Variants in SYCP1 observed in about 807,000 individuals in gnomAD.
The protein encoded by SYCP1 is synaptonemal complex protein 1.
Under a neutral mutation model 153.1 loss-of-function variants are expected in SYCP1, and 64 were observed. The observed-to-expected ratio is 0.42, with a 90% confidence interval of 0.34 to 0.51. The LOEUF (loss-of-function observed/expected upper bound fraction) is 0.51, where lower values mean the gene tolerates loss of function less well. Among genes scored for constraint, SYCP1 ranks in the 20% least tolerant of loss-of-function variants. SYCP1 has a pLI of 0.06. For synonymous variants in SYCP1, 384 were observed against 341.8 expected (o/e 1.12, Z -1.36); for missense variants, 997 against 1,049.0 (o/e 0.95, Z 0.68).
At chr1:114,906,191 T>G (rs55938728) in intron 16 of SYCP1, among the ~76,000 whole-genome samples, 9,369 of 152,204 alleles carry the variant, frequency 0.062, 329 homozygotes, top group Middle Eastern at 0.14. Flanking sequence ...GGTCTCGAAC[T>G]CCTGACCTCA....
rs960485225 is a variant in SYCP1 at position 114,877,707 on chromosome 1, T to C, written c.802-387T>C. Among the ~76,000 whole-genome samples the C allele has an allele frequency of 3.3e-5, 5 of 152,164 alleles. No individual in the cohort carries two copies. The East Asian group carries it at 7.7e-4, about 23-fold the overall frequency. ...TCATTATTTGTAACACTTTTTTTGC[T>C]GGGGGTTTCTAAATTCTTGCTTGTG... On this transcript the variant is annotated intron_variant, in intron 11 of 31. Transcript: ENST00000369522.
At chr1:114,980,183 C>T (rs565102531) in intron 28 of SYCP1, among the ~76,000 whole-genome samples, 47 of 151,910 alleles carry the variant, frequency 3.1e-4, no homozygotes, top group Admixed American at 5.9e-4. Context: ...AATTAACATG[C>T]CTCAATTTCC....
At chr1:114,966,646 T>G (rs1194475968) in intron 27 of SYCP1, among the ~76,000 whole-genome samples, 2 of 152,024 alleles carry the variant, frequency 1.3e-5, no homozygotes, top group African/African-American at 4.8e-5. Context: ...TTCATGTAGT[T>G]GTGTGGTTTT....
intron 23 of SYCP1, among the ~76,000 whole-genome samples, chr1:114,928,479 G>A (rs1669403776): frequency 6.6e-6 from 1 of 152,136 alleles, no homozygotes; most frequent in Admixed American, 6.5e-5. Flanking sequence ...TTCAAAAGCT[G>A]TACCCTAAGC....
At chr1:114,872,856 T>C (rs1296810471) in intron 8 of SYCP1, among the ~76,000 whole-genome samples, 3 of 152,166 alleles carry the variant, frequency 2.0e-5, no homozygotes, top group Admixed American at 1.3e-4. Context: ...CGTCTTTCTA[T>C]GTTGTCTAGG....
chr1:114,878,066 T>C (rs757882286), intron 11 of SYCP1, 28 bp from the exon 12 acceptor site: 14 of 1,248,644 alleles, frequency 1.1e-5, no homozygotes, highest in Non-Finnish European at 1.6e-5. Context: ...AATTTTCATA[T>C]TGATAATGTA....
intron 3 of SYCP1, 143 bp downstream of exon 3, chr1:114,856,800 G>T: frequency 1.6e-6 from 1 of 632,322 alleles, no homozygotes; most frequent in Non-Finnish European, 2.5e-6. Flanking sequence ...AAAAAATAAG[G>T]CTGGACACGG....
chr1:114,943,509 A>G (rs1239589756), intron 23 of SYCP1, among the ~76,000 whole-genome samples: 1 of 151,958 alleles, frequency 6.6e-6, no homozygotes, highest in African/African-American at 2.4e-5. Context: ...GAAAACATTT[A>G]TATGAAGTTC....
intron 27 of SYCP1, among the ~76,000 whole-genome samples, chr1:114,947,909 T>C (rs1670844610): frequency 6.6e-6 from 1 of 151,214 alleles, no homozygotes; most frequent in Non-Finnish European, 1.5e-5. Flanking sequence ...CTAGCATGTT[T>C]CCTTTTTTTT....
intron 30 of SYCP1, among the ~76,000 whole-genome samples, chr1:114,993,851 A>G (rs1260505151): frequency 1.3e-5 from 2 of 151,322 alleles, no homozygotes; most frequent in South Asian, 2.1e-4. Context: ...CACAACTAAA[A>G]CCTTCTACCC....
intron 9 of SYCP1, among the ~76,000 whole-genome samples, chr1:114,875,225 T>C (rs1376598388): frequency 6.6e-6 from 1 of 151,370 alleles, no homozygotes; most frequent in African/African-American, 2.4e-5. Flanking sequence ...TTTTTACACT[T>C]TATTGTAAGG....
chr1:114,908,914 A>C (rs901155854), intron 16 of SYCP1, among the ~76,000 whole-genome samples: 4 of 152,168 alleles, frequency 2.6e-5, no homozygotes, highest in African/African-American at 9.7e-5. Context: ...GATTATATTC[A>C]GGACATTGTG....
intron 23 of SYCP1, among the ~76,000 whole-genome samples, chr1:114,931,654 C>T (rs930521184): frequency 6.6e-6 from 1 of 152,132 alleles, no homozygotes. Context: ...TCAGATTTCA[C>T]TGAATTCATC....
chr1:114,892,603 G>T (rs1449235644), intron 15 of SYCP1, among the ~76,000 whole-genome samples: 1 of 152,096 alleles, frequency 6.6e-6, no homozygotes, highest in Non-Finnish European at 1.5e-5. Flanking sequence ...CTTCTGCTGG[G>T]GTGACATGGG....
rs377350738 is a variant in SYCP1 at position 114,948,664 on chromosome 1, T to C, written c.2322+1344T>C. Among the ~76,000 whole-genome samples the C allele has an allele frequency of 2.6e-5, 4 of 152,328 alleles. No homozygotes were observed. In the South Asian group the frequency reaches 6.2e-4, roughly 24 times the overall value. On this transcript the variant is annotated intron_variant, in intron 27 of 31. Transcript: ENST00000369522. The stretch of plus-strand genomic sequence containing the variant: ...ATTTCACTCTGTGCCCCCTGTTATA[T>C]TGCAAGCTCTGCAAGGTCTAATTAT...
chr1:114,887,265 ATTATATTGTTCCTAAGG>A (rs1423629367), intron 14 of SYCP1, among the ~76,000 whole-genome samples: 1 of 152,112 alleles, frequency 6.6e-6, no homozygotes, highest in Non-Finnish European at 1.5e-5. Context: ...TGTTCTCATA[ATTATATTGTTCCTAAGG>A]CAGAATTCAG....
intron 8 of SYCP1, among the ~76,000 whole-genome samples, chr1:114,871,711 TAC>T (rs1665143117): frequency 6.6e-6 from 1 of 152,046 alleles, no homozygotes; most frequent in East Asian, 1.9e-4. Flanking sequence ...TAGCTGGTAT[TAC>T]AGGCGTGTGC....
chr1:114,980,701 G>T (rs948709372), intron 28 of SYCP1, among the ~76,000 whole-genome samples: 1 of 151,582 alleles, frequency 6.6e-6, no homozygotes, highest in East Asian at 1.9e-4. Context: ...CAGGAGTAAA[G>T]ATTTTTTTTT....
intron 15 of SYCP1, among the ~76,000 whole-genome samples, chr1:114,891,748 C>A (rs922303645): frequency 1.3e-5 from 2 of 152,070 alleles, no homozygotes; most frequent in Non-Finnish European, 2.9e-5. Flanking sequence ...ATTGCTTCTG[C>A]TTTGATTATC....
Sources: allele counts gnomAD v4.1 joint callset (sites outside exome capture counted in the v4.1 genomes callset), GRCh38; gene constraint gnomAD v4.1.1; transcripts MANE v1.5; gene names NCBI Gene and HGNC (gene_info 2026-07-23, HGNC 2026-07-21).